Variants in CHAT observed in about 807,000 individuals in gnomAD.
CHAT encodes the protein choline O-acetyltransferase.
A neutral mutation model predicts 76.9 loss-of-function variants in CHAT; 61 were observed. The ratio of observed to expected loss-of-function variants is 0.79; its 90% confidence interval spans 0.65 to 0.98. The LOEUF is 0.98. Ranked by LOEUF, CHAT falls within the 50% of genes least tolerant of loss-of-function variation. The probability of loss-of-function intolerance (pLI) is 0.00; values close to 1 mark genes in which losing one functional copy is unlikely to be tolerated. For synonymous variants in CHAT, 407 were observed against 397.4 expected (o/e 1.02, Z -0.29); for missense variants, 946 against 986.9 (o/e 0.96, Z 0.56).
intron 7 of CHAT, among the ~76,000 whole-genome samples, chr10:49,636,925 A>G (rs989030101): frequency 6.6e-6 from 1 of 152,060 alleles, no homozygotes; most frequent in Non-Finnish European, 1.5e-5. Context: ...AAGTTGTCAG[A>G]TTTATGTGTA....
intron 1 of CHAT, 100 bp from the exon 2 acceptor site, chr10:49,616,402 C>T (rs1032503597): frequency 9.7e-6 from 9 of 927,932 alleles, no homozygotes; most frequent in African/African-American, 1.6e-5. Flanking sequence ...GCTCTGGCCT[C>T]CTCATGGGGC....
chr10:49,620,433 C>T (rs976846934), intron 3 of CHAT, 62 bp from the exon 4 acceptor site: 9 of 1,098,706 alleles, frequency 8.2e-6, no homozygotes, highest in East Asian at 4.8e-5. Flanking sequence ...GATTTTCTCT[C>T]GGGGCTGTCA....
At chr10:49,613,439 C>A (rs1021740572), upstream of CHAT, among the ~76,000 whole-genome samples, 3 of 152,182 alleles carry the variant, frequency 2.0e-5, no homozygotes, top group African/African-American at 7.2e-5. Context: ...AGCCTCAAGC[C>A]AGCGTTCGCG....
intron 7 of CHAT, among the ~76,000 whole-genome samples, chr10:49,633,763 T>A (rs1180232362): frequency 6.6e-6 from 1 of 152,218 alleles, no homozygotes; most frequent in Non-Finnish European, 1.5e-5. Context: ...GCCCTCTGGC[T>A]TTCCTGGGTG....
chr10:49,610,420 G>A (rs1275475033), upstream of CHAT: 3 of 305,512 alleles, frequency 9.8e-6, no homozygotes, highest in East Asian at 1.0e-4. Context: ...TTAGCGCGGC[G>A]GGGGCTGCTC....
In CHAT at chr10:49,655,122, C is replaced by T. The variant is rs145370753; in HGVS notation, c.1662C>T (p.Tyr554=). ...YRLHRRLVPT[Y]ESASIRRFQE... ...TCCATCGAAGACTGGTGCCCACCTA[C>T]GAGAGCGCGTCCATCCGCCGATTCC... The change falls in exon 12 of 15, where the codon TAC becomes TAT. Residue 554 remains tyrosine, a synonymous_variant. Coordinates refer to ENST00000337653, the MANE Select transcript of CHAT (RefSeq NM_020549.5). The T allele has an allele frequency of 1.2e-5, 20 of 1,614,132 alleles. 1 individual carries two copies. The highest frequency in any genetic ancestry group is 1.6e-4 in the Middle Eastern group (1 of 6,062).
At chr10:49,636,759 A>C (rs151079848) in intron 7 of CHAT, among the ~76,000 whole-genome samples, 121 of 152,290 alleles carry the variant, frequency 7.9e-4, no homozygotes, top group African/African-American at 2.5e-3. Flanking sequence ...TTTATGTCCT[A>C]CTGCTTAAGG....
Position 49,614,146 on chromosome 10 carries a change from G to T in CHAT, c.-44G>T. 1 of 1,545,822 alleles carries T rather than the reference G, an allele frequency of 6.5e-7. No homozygotes were observed. The highest frequency in any genetic ancestry group is 8.7e-7 in the Non-Finnish European group (1 of 1,146,468). On this transcript the variant is annotated 5_prime_UTR_variant, in exon 1 of 15. Coordinates refer to ENST00000337653, the MANE Select transcript of CHAT (RefSeq NM_020549.5). Reference sequence around the variant, plus strand: ...CCGGGAAGCGCTCCGGGTAGATTCTGGGGGCCGGGAGCTGAGATCCCTGGG... The same window carrying T: ...CCGGGAAGCGCTCCGGGTAGATTCTTGGGGCCGGGAGCTGAGATCCCTGGG...
intron 7 of CHAT, among the ~76,000 whole-genome samples, chr10:49,633,457 G>A (rs996510314): frequency 5.9e-5 from 9 of 152,140 alleles, no homozygotes; most frequent in South Asian, 2.1e-4. Flanking sequence ...AGGGGTGGCC[G>A]GGGGTGAAGC....
intron 8 of CHAT, among the ~76,000 whole-genome samples, chr10:49,647,391 T>C (rs748092395): frequency 2.0e-4 from 30 of 152,222 alleles, no homozygotes; most frequent in Non-Finnish European, 3.8e-4. Flanking sequence ...GTCTTGTTTA[T>C]TTTAAAGTCA....
At chr10:49,620,695 C>A (rs954290179) in intron 4 of CHAT, 82 bp downstream of exon 4, 3 of 1,131,944 alleles carry the variant, frequency 2.7e-6, no homozygotes, top group Non-Finnish European at 4.0e-6. Flanking sequence ...CAAAGAAAGG[C>A]CAAAGCTGGA....
chr10:49,628,708 G>A (rs1015236463), intron 7 of CHAT, among the ~76,000 whole-genome samples: 3 of 152,242 alleles, frequency 2.0e-5, no homozygotes, highest in Non-Finnish European at 4.4e-5. Context: ...GTGGGATTGT[G>A]AAAGGCTCTG....
chr10:49,611,153 T>C (rs572420161), upstream of CHAT: 9 of 1,614,170 alleles, frequency 5.6e-6, no homozygotes, highest in Admixed American at 1.5e-4. Flanking sequence ...CAGCTGCTAG[T>C]GAACCCCTTG....
intron 1 of CHAT, among the ~76,000 whole-genome samples, 194 bp from the exon 2 acceptor site, chr10:49,616,308 G>A (rs1039557887): frequency 6.6e-6 from 1 of 152,148 alleles, no homozygotes; most frequent in Admixed American, 6.5e-5. Context: ...TGGGGGCCCA[G>A]AGAGAACACT....
At position 49,665,229 on chromosome 10, in the gene CHAT, A is replaced by G; in HGVS notation, c.*183A>G. The G allele has an allele frequency of 2.9e-6, 2 of 696,240 alleles. No homozygotes were observed. Among genetic ancestry groups the G allele is most frequent in the Non-Finnish European group, 5.0e-6 (2 of 403,862 alleles). The allele number at this position is 696,240 out of a possible 1,614,324, so 43.1% of individuals were successfully genotyped here. A position where few individuals can be genotyped will look rare whatever the true frequency, so the allele number is the denominator to read the frequency against. On this transcript the variant is annotated 3_prime_UTR_variant, in exon 15 of 15. Transcript: ENST00000337653. ...GGAGGAAAGGGTCCCCTCTTCATGC[A>G]TGGGAATCATCATTTTCAAGGTGGC... is the stretch of plus-strand genomic sequence containing the variant.
At position 49,614,443 on chromosome 10, in the gene CHAT, C is replaced by T; in HGVS notation, c.254C>T (p.Ala85Val). The change falls in exon 1 of 15, where the codon GCG becomes GTG. Residue 85 changes from alanine to valine, a missense_variant. By Grantham distance (64) the Ala-to-Val change is moderately conservative. Coordinates refer to ENST00000337653, the MANE Select transcript of CHAT (RefSeq NM_020549.5). ...PAHTPEWCGA[A>V]SAEAAEPRRA... ...CACACTCCTGAGTGGTGCGGTGCAG[C>T]GTCGGCCGAGGCAGCAGAGCCGAGG... The T allele has an allele frequency of 1.3e-6, 2 of 1,547,754 alleles. No homozygotes were observed. Among genetic ancestry groups the T allele is most frequent in the Non-Finnish European group, 1.7e-6 (2 of 1,146,952 alleles).
At chr10:49,643,807 G>A (rs1839567377) in intron 7 of CHAT, among the ~76,000 whole-genome samples, 1 of 152,212 alleles carries the variant, frequency 6.6e-6, no homozygotes, top group East Asian at 1.9e-4. Context: ...GCCAAGGGAA[G>A]CACACTAAAG....
At chr10:49,629,152 C>T (rs1839027824) in intron 7 of CHAT, among the ~76,000 whole-genome samples, 1 of 152,260 alleles carries the variant, frequency 6.6e-6, no homozygotes, top group Admixed American at 6.5e-5. Flanking sequence ...TTTCCCCCCA[C>T]CTCCTACCCA....
At chr10:49,643,198 A>G (rs942401231) in intron 7 of CHAT, among the ~76,000 whole-genome samples, 6 of 152,262 alleles carry the variant, frequency 3.9e-5, no homozygotes, top group South Asian at 2.1e-4. Flanking sequence ...GATATTTGGC[A>G]CATAGTAGGT....
Sources: allele counts gnomAD v4.1 joint callset (sites outside exome capture counted in the v4.1 genomes callset), GRCh38; gene constraint gnomAD v4.1.1; transcripts MANE v1.5; gene names NCBI Gene and HGNC (gene_info 2026-07-23, HGNC 2026-07-21).